The following DPH5 variants were observed in gnomAD, a reference collection of about 807,000 sequenced individuals.
DPH5 encodes the protein diphthamide biosynthesis 5, also known as diphthine methyl ester synthase.
DPH5 carries 31 observed loss-of-function variants against 31.6 expected under a neutral mutation model. The observed-to-expected ratio is 0.98, with a 90% CI of 0.74 to 1.32. DPH5 has a LOEUF of 1.32. Ranked by LOEUF, DPH5 falls within the 40% of genes most tolerant of loss-of-function variation. DPH5 has a pLI of 0.00. For missense variants in DPH5, 309 were observed against 335.7 expected (o/e 0.92, Z 0.62); for synonymous variants, 120 against 115.0 (o/e 1.04, Z -0.28).
At chr1:100,996,440 C>T (rs1658356385) in intron 5 of DPH5, among the ~76,000 whole-genome samples, 1 of 152,162 alleles carries the variant, frequency 6.6e-6, no homozygotes, top group Non-Finnish European at 1.5e-5. Context: ...TTCGTGACTT[C>T]GTCTCAAGCC....
chr1:101,017,077 T>C (rs980965170), intron 3 of DPH5, among the ~76,000 whole-genome samples: 25 of 152,120 alleles, frequency 1.6e-4, no homozygotes, highest in African/African-American at 5.8e-4. Flanking sequence ...ATGAAAAAGC[T>C]TGAAATATCA....
intron 2 of DPH5, 111 bp downstream of exon 2, chr1:101,025,198 G>C: frequency 1.5e-6 from 2 of 1,344,992 alleles, no homozygotes; most frequent in Non-Finnish European, 2.0e-6. Context: ...CAAGGGATGC[G>C]TTTCAAAGGG....
chr1:101,009,177 G>C (rs1001105871), intron 4 of DPH5, among the ~76,000 whole-genome samples: 33 of 152,278 alleles, frequency 2.2e-4, no homozygotes, highest in African/African-American at 7.9e-4. Context: ...AAGAGTCTAG[G>C]AGTAAGATAA....
chr1:100,994,515 G>A (rs958290045), intron 6 of DPH5, among the ~76,000 whole-genome samples: 4 of 151,296 alleles, frequency 2.6e-5, no homozygotes, highest in African/African-American at 9.7e-5. Context: ...TCAACTAGAG[G>A]CAGACTCAGG....
At chr1:100,990,677 A>G (rs774415221) in intron 7 of DPH5, 46 bp from the exon 8 acceptor site, 2 of 1,568,950 alleles carry the variant, frequency 1.3e-6, no homozygotes, top group Non-Finnish European at 8.8e-7. Context: ...CAAATGCATC[A>G]TCCATCCAAC....
At chr1:100,991,054 G>C (rs1446386060) in intron 7 of DPH5, among the ~76,000 whole-genome samples, 1 of 152,172 alleles carries the variant, frequency 6.6e-6, no homozygotes, top group Non-Finnish European at 1.5e-5. Context: ...TCACAGATTT[G>C]AGTTTCTGCC....
At chr1:100,996,394 T>C (rs562238610) in intron 5 of DPH5, 1 of 152,320 alleles carries the variant, frequency 6.6e-6, no homozygotes, top group South Asian at 2.1e-4. Context: ...TTGAGGAGAA[T>C]TTTTAGACGC....
chr1:101,017,441 A>T (rs1220418986), intron 3 of DPH5, among the ~76,000 whole-genome samples: 1 of 152,232 alleles, frequency 6.6e-6, no homozygotes, highest in Non-Finnish European at 1.5e-5. Flanking sequence ...TTCCATTTTT[A>T]AGATAAAATC....
intron 3 of DPH5, among the ~76,000 whole-genome samples, chr1:101,014,850 T>C (rs1450815440): frequency 6.6e-6 from 1 of 152,262 alleles, no homozygotes; most frequent in Non-Finnish European, 1.5e-5. Context: ...TCATCAAGAA[T>C]AGATTTCATC....
intron 5 of DPH5, 107 bp downstream of exon 5, chr1:101,001,360 T>C: frequency 8.7e-7 from 1 of 1,152,442 alleles, no homozygotes; most frequent in East Asian, 2.4e-5. Context: ...CTAGACTGTG[T>C]CTTTTCTTAC....
At chr1:101,016,259 CAGG>C (rs1291930544) in intron 3 of DPH5, among the ~76,000 whole-genome samples, 1 of 151,774 alleles carries the variant, frequency 6.6e-6, no homozygotes, top group African/African-American at 2.4e-5. Context: ...GAGGGTGAGG[CAGG>C]AGAATGGCGT....
intron 2 of DPH5, among the ~76,000 whole-genome samples, chr1:101,021,999 G>T (rs371451051): frequency 6.6e-6 from 1 of 152,056 alleles, no homozygotes; most frequent in African/African-American, 2.4e-5. Context: ...CAAAGGAGGC[G>T]GAACTCTTAA....
chr1:100,994,107 A>G (rs1488908792), intron 6 of DPH5, among the ~76,000 whole-genome samples: 1 of 152,146 alleles, frequency 6.6e-6, no homozygotes, highest in African/African-American at 2.4e-5. Context: ...CTACTCATAT[A>G]AAAATTATTA....
At chr1:101,024,367 C>G (rs1422396567) in intron 2 of DPH5, among the ~76,000 whole-genome samples, 2 of 152,086 alleles carry the variant, frequency 1.3e-5, no homozygotes, top group African/African-American at 2.4e-5. Context: ...CATGATCATA[C>G]CATTGCACCC....
chr1:100,992,098 A>T (rs1245204151), intron 7 of DPH5, among the ~76,000 whole-genome samples: 3 of 141,762 alleles, frequency 2.1e-5, no homozygotes, highest in Admixed American at 7.0e-5. Context: ...ACCCTCTCTC[A>T]AAAAAAAAAA....
chr1:101,009,312 A>G (rs1659465454), intron 4 of DPH5, among the ~76,000 whole-genome samples: 1 of 152,210 alleles, frequency 6.6e-6, no homozygotes, highest in African/African-American at 2.4e-5. Context: ...AGTTTAACAG[A>G]ACCAATCAAA....
chr1:101,025,271 C>T (rs1445670709), intron 2 of DPH5, 38 bp downstream of exon 2: 1 of 1,609,336 alleles, frequency 6.2e-7, no homozygotes, highest in Admixed American at 1.7e-5. Context: ...TGTTAGATAG[C>T]TTTCTTCCCA....
At chr1:100,991,488 A>C (rs1002374191) in intron 7 of DPH5, among the ~76,000 whole-genome samples, 2 of 152,134 alleles carry the variant, frequency 1.3e-5, no homozygotes, top group African/African-American at 4.8e-5. Context: ...ATAAGCAACA[A>C]TCACTCAAGA....
intron 3 of DPH5, among the ~76,000 whole-genome samples, chr1:101,015,579 A>G (rs1201642033): frequency 1.3e-5 from 2 of 152,184 alleles, no homozygotes; most frequent in African/African-American, 4.8e-5. Flanking sequence ...ACTGGCTTCA[A>G]TCTAGAGTCA....
Sources: allele counts gnomAD v4.1 joint callset (sites outside exome capture counted in the v4.1 genomes callset), GRCh38; gene constraint gnomAD v4.1.1; transcripts MANE v1.5; gene names NCBI Gene and HGNC (gene_info 2026-07-23, HGNC 2026-07-21).